Variants in APBB2 observed in about 807,000 individuals in gnomAD.
APBB2 encodes amyloid beta precursor protein binding family B member 2.
Under a neutral mutation model 82.5 loss-of-function variants are expected in APBB2, and 38 were observed. The ratio of observed to expected loss-of-function variants is 0.46; its 90% confidence interval spans 0.36 to 0.60. APBB2 has a LOEUF of 0.60. Ranked by LOEUF, APBB2 falls within the 20% of genes least tolerant of loss-of-function variation. The pLI, the probability that APBB2 is intolerant of heterozygous loss-of-function variation, is 0.00. For synonymous variants in APBB2, 341 were observed against 368.2 expected, an observed-to-expected ratio of 0.93 and a Z score of 0.85; for missense variants, 772 against 972.3, an observed-to-expected ratio of 0.79 and a Z score of 2.74.
chr4:41,148,103 A>G (rs1245272561), intron 1 of APBB2, among the ~76,000 whole-genome samples: 1 of 152,230 alleles, frequency 6.6e-6, no homozygotes. Context: ...AAAAGAATCT[A>G]TCACAGGTAA....
intron 6 of APBB2, among the ~76,000 whole-genome samples, chr4:40,975,698 C>T (rs182110580): frequency 1.3e-3 from 201 of 151,224 alleles, no homozygotes; most frequent in Admixed American, 4.2e-3. Context: ...GATGCCTTCC[C>T]TACAGTGCAC....
intron 2 of APBB2, among the ~76,000 whole-genome samples, chr4:41,107,814 C>A (rs1279173306): frequency 6.6e-6 from 1 of 152,066 alleles, no homozygotes; most frequent in Non-Finnish European, 1.5e-5. Flanking sequence ...TTTCAAGACA[C>A]CAATGCCATG....
chr4:40,974,570 CTT>C (rs1796699898), intron 6 of APBB2, among the ~76,000 whole-genome samples: 1 of 152,218 alleles, frequency 6.6e-6, no homozygotes, highest in Non-Finnish European at 1.5e-5. Context: ...TGCCTAACCA[CTT>C]CTCTGTTATA....
chr4:41,028,418 A>T (rs575097850), intron 5 of APBB2, among the ~76,000 whole-genome samples: 1 of 152,270 alleles, frequency 6.6e-6, no homozygotes, highest in African/African-American at 2.4e-5. Context: ...GAGACTTGCC[A>T]GAAGGTAAGA....
chr4:41,018,913 A>G (rs1418168503), intron 5 of APBB2, among the ~76,000 whole-genome samples: 1 of 152,120 alleles, frequency 6.6e-6, no homozygotes, highest in Non-Finnish European at 1.5e-5. Flanking sequence ...GTCACAAGAG[A>G]CTTAGGTATG....
chr4:40,875,577 T>C (rs1474937552), intron 12 of APBB2, among the ~76,000 whole-genome samples: 1 of 152,264 alleles, frequency 6.6e-6, no homozygotes, highest in East Asian at 1.9e-4. Flanking sequence ...ATCTTTTTAA[T>C]ACAATGTTTG....
At chr4:41,134,383 T>C (rs903593040) in intron 2 of APBB2, among the ~76,000 whole-genome samples, 1 of 152,142 alleles carries the variant, frequency 6.6e-6, no homozygotes, top group African/African-American at 2.4e-5. Context: ...ATGGAGACCA[T>C]CCTGGCTAAC....
intron 1 of APBB2, among the ~76,000 whole-genome samples, chr4:41,156,221 A>G (rs1371550271): frequency 1.3e-5 from 2 of 152,242 alleles, no homozygotes; most frequent in Non-Finnish European, 2.9e-5. Flanking sequence ...GAGGAAGAAA[A>G]GGAGAACAGG....
intron 2 of APBB2, among the ~76,000 whole-genome samples, chr4:41,103,577 A>T (rs942353239): frequency 9.9e-5 from 15 of 152,182 alleles, no homozygotes; most frequent in Non-Finnish European, 2.2e-4. Context: ...TTGAGAAAGT[A>T]GACTATAATG....
intron 6 of APBB2, among the ~76,000 whole-genome samples, chr4:40,972,372 G>A (rs374717837): frequency 6.6e-6 from 1 of 151,552 alleles, no homozygotes; most frequent in South Asian, 2.1e-4. Context: ...AGCTTGCAGT[G>A]AGCCGAGATG....
At chr4:40,903,744 A>G (rs12503313) in intron 10 of APBB2, among the ~76,000 whole-genome samples, 37,280 of 152,034 alleles carry the variant, frequency 0.25, 5,371 homozygotes, top group East Asian at 0.54. Flanking sequence ...ACACCACTGC[A>G]GGATATGGGA....
chr4:40,935,203 A>G (rs202032021), intron 7 of APBB2, 64 bp from the exon 8 acceptor site: 9 of 72,376 alleles, frequency 1.2e-4, no homozygotes, highest in Non-Finnish European at 2.1e-4. Context: ...AAAAGAAAAG[A>G]AAAAAAAAAA....
chr4:40,899,716 C>T (rs1366855809), intron 10 of APBB2, among the ~76,000 whole-genome samples: 4 of 152,242 alleles, frequency 2.6e-5, no homozygotes, highest in Admixed American at 2.0e-4. Context: ...TCTTCCATTT[C>T]TCTTTTCTCC....
intron 2 of APBB2, among the ~76,000 whole-genome samples, chr4:41,132,558 A>C (rs911461288): frequency 2.0e-4 from 31 of 152,346 alleles, no homozygotes; most frequent in African/African-American, 6.5e-4. Context: ...AGCAAATACA[A>C]TTCAGTCCAA....
intron 11 of APBB2, among the ~76,000 whole-genome samples, chr4:40,891,462 G>A (rs916364975): frequency 1.3e-5 from 2 of 152,210 alleles, no homozygotes; most frequent in Non-Finnish European, 2.9e-5. Flanking sequence ...AGAACAGTGA[G>A]GCTTCTCGGT....
At chr4:41,207,609 T>C (rs777792920) in intron 1 of APBB2, among the ~76,000 whole-genome samples, 19 of 152,350 alleles carry the variant, frequency 1.2e-4, no homozygotes, top group South Asian at 8.3e-4. Flanking sequence ...CTTGGTGCTT[T>C]CCTTGTCATT....
In APBB2 at chr4:41,013,677, C is replaced by T. The variant is rs968936911; in HGVS notation, c.741G>A (p.Leu247=). The change falls in exon 6 of 18, where the codon CTG becomes CTA. Residue 247 remains leucine (L), a synonymous_variant. Transcript: ENST00000508593. Reference sequence around the variant, plus strand: ...TCGGTGCCAGGTTCTGGATCCGGTGCAGTGCACAGTCGGTTTTGGCCCCTG... The same window carrying T: ...TCGGTGCCAGGTTCTGGATCCGGTGTAGTGCACAGTCGGTTTTGGCCCCTG... ...PKTGAKTDCA[L]HRIQNLAPSD... The T allele has an allele frequency of 1.2e-6, 2 of 1,614,234 alleles. No individual in the cohort carries two copies. The highest frequency in any genetic ancestry group is 1.7e-6 in the Non-Finnish European group (2 of 1,180,040).
intron 1 of APBB2, among the ~76,000 whole-genome samples, chr4:41,152,874 C>T (rs760774998): frequency 2.6e-5 from 4 of 152,178 alleles, no homozygotes; most frequent in Non-Finnish European, 4.4e-5. Context: ...TATACCTTGC[C>T]ACTGACCCAA....
At chr4:40,854,924 T>G (rs773911301) in intron 12 of APBB2, among the ~76,000 whole-genome samples, 3 of 152,168 alleles carry the variant, frequency 2.0e-5, no homozygotes, top group Non-Finnish European at 4.4e-5. Context: ...ATTACCCCAT[T>G]GAAATCAACA....
Sources: gnomAD v4.1 joint callset for allele counts (sites outside exome capture counted in the v4.1 genomes callset) on GRCh38, gnomAD v4.1.1 for gene constraint, MANE v1.5 for transcripts, NCBI Gene and HGNC (gene_info 2026-07-23, HGNC 2026-07-21) for gene names.